The following LDLRAD4 variants were observed in gnomAD, a reference collection of about 807,000 sequenced individuals.
The protein encoded by LDLRAD4 is low density lipoprotein receptor class A domain containing 4, also known as low-density lipoprotein receptor class A domain-containing protein 4.
In LDLRAD4, 5 loss-of-function variants were observed where a neutral mutation model predicts 17.0. That is an observed-to-expected ratio of 0.29 (90% CI 0.15 to 0.62). LDLRAD4 has a LOEUF of 0.62. Among genes scored for constraint, LDLRAD4 ranks in the 20% least tolerant of loss-of-function variants. The pLI is 0.84. For missense variants in LDLRAD4, 340 were observed against 424.7 expected (o/e 0.80, Z 1.75); for synonymous variants, 168 against 171.8 (o/e 0.98, Z 0.17).
Position 13,645,342 on chromosome 18 carries a change from A to G in LDLRAD4, c.606A>G (p.Arg202=). Reference sequence around the variant, plus strand: ...CTGAACAGCAGATGGAACTCAACCGAGAGTCCGTGAGGGCCCCACCCAACC... The same window carrying G: ...CTGAACAGCAGATGGAACTCAACCGGGAGTCCGTGAGGGCCCCACCCAACC... Residue 202 remains arginine, a synonymous_variant, in exon 6 of 6, where the codon CGA becomes CGG. Transcript: ENST00000359446. This position sits in a 1 kb window ranked among gnomAD's most constrained non-coding sequence, Gnocchi z 5.7. The G allele has an allele frequency of 6.2e-7, 1 of 1,614,226 alleles. No homozygotes were observed. The highest frequency in any genetic ancestry group is 1.1e-5 in the South Asian group (1 of 91,086).
chr18:13,561,225 G>C (rs1325582295), intron 3 of LDLRAD4, among the ~76,000 whole-genome samples: 1 of 152,206 alleles, frequency 6.6e-6, no homozygotes, highest in South Asian at 2.1e-4. Context: ...AAATGAGTGG[G>C]TGAATTTATT....
At chr18:13,477,074 G>A (rs2146877267) in intron 3 of LDLRAD4, among the ~76,000 whole-genome samples, 1 of 152,314 alleles carries the variant, frequency 6.6e-6, no homozygotes, top group East Asian at 1.9e-4. Context: ...TGAACTCATG[G>A]TAATGAATAT....
chr18:13,391,847 C>T (rs1056868534), intron 2 of LDLRAD4, among the ~76,000 whole-genome samples: 3 of 152,264 alleles, frequency 2.0e-5, no homozygotes, highest in East Asian at 1.9e-4. Flanking sequence ...CATTACATTA[C>T]GAGCATTTTT....
At chr18:13,634,152 G>C (rs1568434908) in intron 4 of LDLRAD4, among the ~76,000 whole-genome samples, 1 of 152,336 alleles carries the variant, frequency 6.6e-6, no homozygotes, top group East Asian at 1.9e-4. Context: ...CCGGGAACAA[G>C]ACAAGGATGC....
intron 1 of LDLRAD4, among the ~76,000 whole-genome samples, chr18:13,338,057 C>T (rs1599511621): frequency 6.6e-6 from 1 of 152,116 alleles, no homozygotes; most frequent in South Asian, 2.1e-4. Flanking sequence ...TTATGGTCAC[C>T]TACAGCTTCA....
intron 1 of LDLRAD4, among the ~76,000 whole-genome samples, chr18:13,228,962 T>G (rs1391986953): frequency 6.6e-6 from 1 of 152,266 alleles, no homozygotes; most frequent in African/African-American, 2.4e-5. Context: ...TGATGGACTC[T>G]TGGTGCATTA....
chr18:13,626,839 C>T (rs769953373), intron 4 of LDLRAD4, among the ~76,000 whole-genome samples: 23 of 152,220 alleles, frequency 1.5e-4, no homozygotes, highest in Non-Finnish European at 2.9e-4. Context: ...AACTCATGCT[C>T]CTCAGATCCA....
chr18:13,222,039 C>T (rs1337715403), intron 1 of LDLRAD4, among the ~76,000 whole-genome samples: 5 of 152,204 alleles, frequency 3.3e-5, no homozygotes, highest in Non-Finnish European at 7.3e-5. Flanking sequence ...CTCCACTTAA[C>T]GAGGACACAG....
At chr18:13,435,888 A>G (rs930426319) in intron 2 of LDLRAD4, among the ~76,000 whole-genome samples, 5 of 152,270 alleles carry the variant, frequency 3.3e-5, no homozygotes, top group African/African-American at 1.2e-4. Context: ...GAACTTTGTT[A>G]TGCATGGGGC....
chr18:13,237,288 C>T (rs1378508967), intron 1 of LDLRAD4, among the ~76,000 whole-genome samples: 1 of 152,192 alleles, frequency 6.6e-6, no homozygotes. Flanking sequence ...AGTGCATCAC[C>T]CCACGTCCTG....
rs79601026 is a variant in LDLRAD4, at chr18:13,645,162, A to C, written c.426A>C (p.Thr142=). 7.9e-3 allele frequency: 12,689 copies of C among 1,613,554 alleles called. 490 individuals are homozygous for C. In the African/African-American group the frequency reaches 0.11, roughly 14 times the overall value. Residue 142 remains threonine, a synonymous_variant, in exon 6 of 6, where the codon ACA becomes ACC. Coordinates refer to ENST00000359446, the Ensembl canonical transcript of LDLRAD4. This position sits in a 1 kb window ranked among gnomAD's most constrained non-coding sequence, Gnocchi z 5.7. Reference sequence around the variant, plus strand: ...CCCCGCGGTCCAGGGACAGGTTCACAGCGCCGTCCTTCATCCAGAGGGATC... The same window carrying C: ...CCCCGCGGTCCAGGGACAGGTTCACCGCGCCGTCCTTCATCCAGAGGGATC...
Position 13,564,579 on chromosome 18 carries a change from CT to C in LDLRAD4, c.182-56537del, listed in dbSNP as rs1210751554. Among the ~76,000 whole-genome samples, 4 of 50,316 alleles carry C rather than the reference CT, an allele frequency of 7.9e-5. No homozygotes were observed. In the East Asian group the frequency reaches 1.5e-3, roughly 19 times the overall value. The allele number at this position is 50,316 out of a possible 152,430, so 33.0% of individuals were successfully genotyped here. ...AAGTTCATTTTTGTGTTCCCATTTT[CT>C]AAAAAAAAAAAAAAAAAAAAAAAAA... On this transcript the variant is annotated intron_variant, in intron 3 of 5. Coordinates refer to ENST00000359446, the Ensembl canonical transcript of LDLRAD4.
Position 13,367,740 on chromosome 18 carries a change from G to C in LDLRAD4, c.-382-19601G>C, listed in dbSNP as rs1177803092. 6.6e-6 allele frequency among the ~76,000 whole-genome samples: 1 copy of C among 152,070 alleles called. No homozygotes were observed. The highest frequency in any genetic ancestry group is 2.4e-5 in the African/African-American group (1 of 41,400). On this transcript the variant is annotated intron_variant, in intron 1 of 5. Transcript: ENST00000359446. The surrounding 1 kb of genome is among the most constrained non-coding windows in gnomAD (Gnocchi z 4.1). ...ACCGAGAGGAGACAGCCGAGCCCGGGGGGCATGCACTGTCAAGGTGTTTGC... is the reference window on the plus strand; with the variant it reads ...ACCGAGAGGAGACAGCCGAGCCCGGCGGGCATGCACTGTCAAGGTGTTTGC...
intron 1 of LDLRAD4, among the ~76,000 whole-genome samples, chr18:13,250,619 A>G (rs1375573382): frequency 6.6e-6 from 1 of 152,220 alleles, no homozygotes; most frequent in Non-Finnish European, 1.5e-5. Context: ...ATGCCACTAA[A>G]GTAAAAAACC....
chr18:13,413,249 A>G (rs1213143702), intron 2 of LDLRAD4, among the ~76,000 whole-genome samples: 2 of 152,206 alleles, frequency 1.3e-5, no homozygotes, highest in African/African-American at 4.8e-5. Context: ...AGACCTATCA[A>G]GTGGGGAGGG....
At chr18:13,245,846 G>A (rs2042929354) in intron 1 of LDLRAD4, among the ~76,000 whole-genome samples, 1 of 152,114 alleles carries the variant, frequency 6.6e-6, no homozygotes, top group Non-Finnish European at 1.5e-5. Flanking sequence ...TTCTTGTCTC[G>A]GGTTGTTGAC....
intron 3 of LDLRAD4, among the ~76,000 whole-genome samples, chr18:13,597,168 G>A (rs2095105726): frequency 1.3e-5 from 2 of 152,156 alleles, no homozygotes; most frequent in South Asian, 4.1e-4. Flanking sequence ...ACTTCTGAGA[G>A]ATAGTTTTGC....
intron 3 of LDLRAD4, among the ~76,000 whole-genome samples, chr18:13,557,625 C>T (rs879641487): frequency 2.0e-5 from 3 of 152,204 alleles, no homozygotes; most frequent in Non-Finnish European, 2.9e-5. Context: ...TGGTCTCGAT[C>T]TCCTGACCTC....
intron 1 of LDLRAD4, among the ~76,000 whole-genome samples, chr18:13,283,424 A>G (rs963075062): frequency 3.9e-5 from 6 of 152,188 alleles, no homozygotes; most frequent in African/African-American, 1.4e-4. Flanking sequence ...CAGATACCCT[A>G]AATCATCTCT....
Sources: gnomAD v4.1 joint callset for allele counts (sites outside exome capture counted in the v4.1 genomes callset) on GRCh38, gnomAD v4.1.1 for gene constraint, Gnocchi (gnomAD v3.1) non-coding constraint, MANE v1.5 for transcripts, NCBI Gene and HGNC (gene_info 2026-07-23, HGNC 2026-07-21) for gene names.